The following CPSF2 variants were observed in gnomAD, a reference collection of about 807,000 sequenced individuals.
CPSF2 encodes cleavage and polyadenylation specific factor 2.
CPSF2 carries 51 observed loss-of-function variants against 84.2 expected under a neutral mutation model. That is an observed-to-expected ratio of 0.61 (90% CI 0.48 to 0.77). CPSF2 has a LOEUF of 0.77. Ranked by LOEUF, CPSF2 falls within the 30% of genes least tolerant of loss-of-function variation. CPSF2 has a pLI of 0.00. For synonymous variants in CPSF2, 286 were observed against 311.9 expected (o/e 0.92, Z 0.87); for missense variants, 641 against 929.4 (o/e 0.69, Z 4.03).
Position 92,142,377 on chromosome 14 carries a change from A to G in CPSF2, c.849+26A>G, listed in dbSNP as rs753681077. ...GTTTGTTCTCATGTTGTCACTTGTA[A>G]TAAGTTTGCTACAGTGATTGGGTCT... On this transcript the variant is annotated intron_variant, in intron 8 of 15. Transcript: ENST00000298875. The G allele has an allele frequency of 1.7e-5, 27 of 1,576,584 alleles. No individual in the cohort carries two copies. In the South Asian group the frequency reaches 2.3e-4, roughly 13 times the overall value.
intron 1 of CPSF2, among the ~76,000 whole-genome samples, chr14:92,124,453 A>C (rs1297880368): frequency 6.6e-6 from 1 of 152,202 alleles, no homozygotes; most frequent in African/African-American, 2.4e-5. Context: ...TCACCTGCTG[A>C]CTGCTAAGTT....
intron 9 of CPSF2, among the ~76,000 whole-genome samples, chr14:92,150,589 G>A (rs1363265197): frequency 6.6e-6 from 1 of 152,088 alleles, no homozygotes; most frequent in African/African-American, 2.4e-5. Context: ...CACCACACCT[G>A]TAATTTTTAA....
chr14:92,134,715 T>C (rs2068976877), intron 5 of CPSF2, among the ~76,000 whole-genome samples: 1 of 152,172 alleles, frequency 6.6e-6, no homozygotes, highest in Non-Finnish European at 1.5e-5. Context: ...TTGGGGTAAA[T>C]GAAGTGCTAT....
intron 2 of CPSF2, among the ~76,000 whole-genome samples, chr14:92,127,330 AATAT>A (rs763047979): frequency 2.8e-4 from 43 of 152,198 alleles, no homozygotes; most frequent in Non-Finnish European, 4.3e-4. Context: ...AGACAGGGAA[AATAT>A]ATATAAAAGT....
At position 92,157,550 on chromosome 14, in the gene CPSF2, A is replaced by G. The variant is rs545204076; in HGVS notation, c.1596-109A>G. The G allele has an allele frequency of 1.5e-6, 1 of 681,420 alleles. No individual in the cohort carries two copies. The allele number at this position is 681,420 out of a possible 1,614,324, so 42.2% of individuals were successfully genotyped here. ...ATAAAATAAATCATACAGATACTATAACATGTGTATTTCTCAAATCCTAGT... is the reference window on the plus strand; with the variant it reads ...ATAAAATAAATCATACAGATACTATGACATGTGTATTTCTCAAATCCTAGT... On this transcript the variant is annotated intron_variant, in intron 12 of 15. Coordinates refer to ENST00000298875, the MANE Select transcript of CPSF2 (RefSeq NM_017437.3). This position sits in a 1 kb window ranked among gnomAD's most constrained non-coding sequence, Gnocchi z 4.0.
intron 3 of CPSF2, among the ~76,000 whole-genome samples, chr14:92,133,704 G>T (rs1303626392): frequency 6.6e-6 from 1 of 150,930 alleles, no homozygotes; most frequent in Non-Finnish European, 1.5e-5. Context: ...GAGCTCAAAC[G>T]ATTTGCCTGC....
Position 92,168,003 on chromosome 14 carries a change from T to C in CPSF2, c.*6259T>C, listed in dbSNP as rs1318640770. ...GGCTCACACCTGTAATCCCAGCACT[T>C]TGGGAGGCCGAGGCGGGTGGATCAT... On this transcript the variant is annotated 3_prime_UTR_variant, in exon 16 of 16. Transcript: ENST00000298875. 1.3e-5 allele frequency: 2 copies of C among 151,604 alleles called. No individual in the cohort carries two copies. The highest frequency in any genetic ancestry group is 4.9e-5 in the African/African-American group (2 of 41,198). 9.4% of individuals were successfully genotyped at this position (151,604 alleles called of 1,614,324 possible).
At chr14:92,134,431 A>G (rs1393628493) in intron 5 of CPSF2, 76 bp downstream of exon 5, 2 of 1,033,192 alleles carry the variant, frequency 1.9e-6, no homozygotes. Flanking sequence ...GAGAATTCAG[A>G]GAGAAAATTA....
chr14:92,157,549 T>C lies in CPSF2; in HGVS notation c.1596-110T>C. ...AATAAAATAAATCATACAGATACTA[T>C]AACATGTGTATTTCTCAAATCCTAG... On this transcript the variant is annotated intron_variant, in intron 12 of 15. Coordinates refer to ENST00000298875, the MANE Select transcript of CPSF2 (RefSeq NM_017437.3). The surrounding 1 kb of genome is among the most constrained non-coding windows in gnomAD (Gnocchi z 4.0). 1 of 679,594 alleles carries C rather than the reference T, an allele frequency of 1.5e-6. No individual in the cohort carries two copies. Among genetic ancestry groups the C allele is most frequent in the Non-Finnish European group, 2.5e-6 (1 of 398,374 alleles). The allele number at this position is 679,594 out of a possible 1,614,324, so 42.1% of individuals were successfully genotyped here. A position where few individuals can be genotyped will look rare whatever the true frequency, so the allele number is the denominator to read the frequency against.
intron 9 of CPSF2, among the ~76,000 whole-genome samples, chr14:92,148,276 C>T (rs2069168103): frequency 1.3e-5 from 2 of 152,154 alleles, no homozygotes. Context: ...CACTTATATA[C>T]ACATAAACAC....
At chr14:92,154,588 A>T (rs2069264760) in intron 10 of CPSF2, 130 bp downstream of exon 10, 3 of 594,518 alleles carry the variant, frequency 5.0e-6, no homozygotes, top group African/African-American at 3.7e-5. Flanking sequence ...ACATCTTTCA[A>T]ATGTCTAGAA....
At chr14:92,134,418 G>A (rs1460028597) in intron 5 of CPSF2, 63 bp downstream of exon 5, 10 of 1,137,364 alleles carry the variant, frequency 8.8e-6, no homozygotes, top group Middle Eastern at 2.8e-4. Flanking sequence ...GGAAAATACC[G>A]AGGAGAATTC....
chr14:92,126,764 A>G (rs781442564), intron 2 of CPSF2, among the ~76,000 whole-genome samples: 1 of 152,170 alleles, frequency 6.6e-6, no homozygotes, highest in African/African-American at 2.4e-5. Flanking sequence ...TGATTGCACC[A>G]CTGCACTCCA....
At chr14:92,145,992 A>G (rs960172962) in intron 9 of CPSF2, among the ~76,000 whole-genome samples, 4 of 152,122 alleles carry the variant, frequency 2.6e-5, no homozygotes, top group African/African-American at 7.2e-5. Context: ...CCTACTCCCA[A>G]TACTGTTCTG....
chr14:92,158,918 T>C (rs2069328256), intron 13 of CPSF2, 65 bp from the exon 14 acceptor site: 1 of 1,368,908 alleles, frequency 7.3e-7, no homozygotes, highest in South Asian at 1.4e-5. Flanking sequence ...GATAATAGGT[T>C]ATATTTAATT....
At position 92,138,345 on chromosome 14, in the gene CPSF2, T is replaced by C; in HGVS notation, c.659T>C (p.Leu220Pro). 6.8e-7 allele frequency: 1 copy of C among 1,474,450 alleles called. No homozygotes were observed. The highest frequency in any genetic ancestry group is 9.3e-7 in the Non-Finnish European group (1 of 1,077,182). 91.3% of individuals were successfully genotyped at this position (1,474,450 alleles called of 1,614,324 possible). A position where few individuals can be genotyped will look rare whatever the true frequency, so the allele number is the denominator to read the frequency against. Residue 220 changes from leucine to proline, a missense_variant and splice_region_variant, in exon 7 of 16, where the codon CTG (leucine) becomes CCG (proline). By Grantham distance (98) the Leu-to-Pro change is moderately conservative. Transcript: ENST00000298875. ...PRRKQRDEQL[L>P]TNVLETLRGD... Reference sequence around the variant, plus strand: ...AGAAAACAGAGAGATGAGCAGCTTCTGAGTACGTATTCTTTCACGTCCTTA... The same window carrying C: ...AGAAAACAGAGAGATGAGCAGCTTCCGAGTACGTATTCTTTCACGTCCTTA...
At chr14:92,158,893 C>A in intron 13 of CPSF2, 90 bp from the exon 14 acceptor site, 1 of 1,200,324 alleles carries the variant, frequency 8.3e-7, no homozygotes, top group Non-Finnish European at 1.2e-6. Context: ...TAACATATTA[C>A]CAGAGGTAGA....
Position 92,157,691 on chromosome 14 carries a change from G to A in CPSF2, c.1628G>A (p.Arg543His), listed in dbSNP as rs1233574965. Reference sequence around the variant, plus strand: ...GTTACCTACATAGACTATGAAGGACGCTCTGATGGGGATTCCATTAAAAAA... The same window carrying A: ...GTTACCTACATAGACTATGAAGGACACTCTGATGGGGATTCCATTAAAAAA... The part of the protein sequence containing the change: ...ARVTYIDYEG[R>H]SDGDSIKKII... The change falls in exon 13 of 16, where the codon CGC becomes CAC. Residue 543 changes from arginine (R) to histidine (H), a missense_variant. Around this residue, in one of 2 missense-constraint regions of CPSF2, gnomAD observed 430 missense variants for 553.6 expected, o/e 0.78. Coordinates refer to ENST00000298875, the MANE Select transcript of CPSF2 (RefSeq NM_017437.3). This position sits in a 1 kb window ranked among gnomAD's most constrained non-coding sequence, Gnocchi z 4.0. 5.0e-6 allele frequency: 8 copies of A among 1,613,840 alleles called. No individual in the cohort carries two copies. Among genetic ancestry groups the A allele is most frequent in the South Asian group, 1.1e-5 (1 of 91,076 alleles).
chr14:92,149,195 C>T (rs2069180378), intron 9 of CPSF2, among the ~76,000 whole-genome samples: 1 of 152,132 alleles, frequency 6.6e-6, no homozygotes, highest in Non-Finnish European at 1.5e-5. Flanking sequence ...GCATAAAGTG[C>T]TTACACCTTG....
Sources: allele counts gnomAD v4.1 joint callset (sites outside exome capture counted in the v4.1 genomes callset), GRCh38; gene constraint gnomAD v4.1.1; regional missense constraint gnomAD v4.1.1; non-coding constraint Gnocchi (gnomAD v3.1); transcripts MANE v1.5; gene names NCBI Gene and HGNC (gene_info 2026-07-23, HGNC 2026-07-21).